The following GALNT13 variants were observed in gnomAD, a reference collection of about 807,000 sequenced individuals.
The protein encoded by GALNT13 is UDP-GalNAc:polypeptide N-acetylgalactosaminyltransferase 13.
GALNT13 carries 28 observed loss-of-function variants against 64.2 expected under a neutral mutation model. The ratio of observed to expected loss-of-function variants is 0.44; its 90% CI spans 0.32 to 0.60. The LOEUF (loss-of-function observed/expected upper bound fraction) is 0.60. Among genes scored for constraint, GALNT13 ranks in the 20% least tolerant of loss-of-function variants. GALNT13 has a pLI of 0.05. For synonymous variants in GALNT13, 214 were observed against 224.6 expected (o/e 0.95, Z 0.42); for missense variants, 577 against 669.8 (o/e 0.86, Z 1.53).
At chr2:154,158,988 A>G (rs1435488749) in intron 4 of GALNT13, among the ~76,000 whole-genome samples, 1 of 152,036 alleles carries the variant, frequency 6.6e-6, no homozygotes, top group African/African-American at 2.4e-5. Flanking sequence ...GCTTTGTACT[A>G]CTGACTACCT....
chr2:153,321,217 CACAAA>C, the GALNT13 span, among the ~76,000 whole-genome samples: 2 of 152,178 alleles, frequency 1.3e-5, no homozygotes, highest in African/African-American at 4.8e-5. Flanking sequence ...CAAATGTCAT[CACAAA>C]TGAACAATGT....
At chr2:154,019,222 T>G (rs1697245263) in intron 3 of GALNT13, among the ~76,000 whole-genome samples, 1 of 152,188 alleles carries the variant, frequency 6.6e-6, no homozygotes, top group African/African-American at 2.4e-5. Flanking sequence ...ATAAATTAAA[T>G]CAAAGCTTAC....
the GALNT13 span, among the ~76,000 whole-genome samples, chr2:153,121,487 G>A: frequency 6.6e-6 from 1 of 151,970 alleles, no homozygotes; most frequent in Admixed American, 6.6e-5. Flanking sequence ...TTAATGAGCT[G>A]GTACAGATGT....
At chr2:154,123,504 T>C (rs1682076041) in intron 3 of GALNT13, among the ~76,000 whole-genome samples, 1 of 151,918 alleles carries the variant, frequency 6.6e-6, no homozygotes, top group African/African-American at 2.4e-5. Context: ...TATTAGACCC[T>C]TTTAAAAAGG....
chr2:153,495,569 C>G, the GALNT13 span, among the ~76,000 whole-genome samples: 4 of 152,020 alleles, frequency 2.6e-5, no homozygotes, highest in Non-Finnish European at 5.9e-5. Context: ...ACAAAACAAG[C>G]AAACAAAAAC....
intron 4 of GALNT13, among the ~76,000 whole-genome samples, chr2:154,164,416 T>C (rs916048637): frequency 2.6e-5 from 4 of 152,162 alleles, no homozygotes; most frequent in African/African-American, 7.2e-5. Context: ...ATTCTTCAAA[T>C]ATTTATAAGA....
Position 154,395,236 on chromosome 2 carries a change from G to A in GALNT13, c.1157-755G>A, listed in dbSNP as rs542333262. Among the ~76,000 whole-genome samples, 119 of 152,106 alleles carry A rather than the reference G, an allele frequency of 7.8e-4. 1 individual carries two copies. Among genetic ancestry groups the A allele is most frequent in the African/African-American group, 2.6e-3 (108 of 41,500 alleles). ...TTAATATTGAGCAAACCAAGTTGTC[G>A]TAAAATTTTTTATAAAAATTAGTAG... On this transcript the variant is annotated intron_variant, in intron 9 of 12. Coordinates refer to ENST00000392825, the MANE Select transcript of GALNT13 (RefSeq NM_052917.4).
the GALNT13 span, among the ~76,000 whole-genome samples, chr2:153,657,084 A>T: frequency 6.6e-6 from 1 of 152,180 alleles, no homozygotes; most frequent in African/African-American, 2.4e-5. Context: ...AGCAGTGAGC[A>T]TCAGATCTCT....
chr2:154,304,855 A>C (rs1417647510), intron 9 of GALNT13, among the ~76,000 whole-genome samples: 4 of 152,212 alleles, frequency 2.6e-5, no homozygotes, highest in Admixed American at 2.6e-4. Flanking sequence ...AATGTGTTGA[A>C]GATATCTAAG....
At chr2:153,561,531 G>A in the GALNT13 span, among the ~76,000 whole-genome samples, 1 of 151,944 alleles carries the variant, frequency 6.6e-6, no homozygotes, top group Non-Finnish European at 1.5e-5. Context: ...CATCACATGA[G>A]GTCAGGTGTG....
At chr2:153,279,111 T>A in the GALNT13 span, among the ~76,000 whole-genome samples, 3 of 152,188 alleles carry the variant, frequency 2.0e-5, no homozygotes, top group African/African-American at 4.8e-5. Flanking sequence ...TTTTTGTGTG[T>A]GTGTGGCTAT....
At chr2:153,780,240 T>TATGCATATATATATATATATATTC in the GALNT13 span, among the ~76,000 whole-genome samples, 1 of 19,458 alleles carries the variant, frequency 5.1e-5, no homozygotes, top group Admixed American at 1.0e-3. Flanking sequence ...TATATATATA[T>TATGCATATATATATATATATATTC]ATATATATAT....
the GALNT13 span, among the ~76,000 whole-genome samples, chr2:153,529,873 T>C: frequency 6.6e-6 from 1 of 151,948 alleles, no homozygotes; most frequent in Non-Finnish European, 1.5e-5. Context: ...ATAAAACCCT[T>C]CAAACTAGGT....
chr2:153,445,454 T>C, the GALNT13 span, among the ~76,000 whole-genome samples: 5 of 152,194 alleles, frequency 3.3e-5, no homozygotes, highest in African/African-American at 1.2e-4. Context: ...CATGGTTCAA[T>C]GCAGCCTTGA....
chr2:153,331,790 A>G, the GALNT13 span, among the ~76,000 whole-genome samples: 2 of 152,180 alleles, frequency 1.3e-5, no homozygotes, highest in Admixed American at 1.3e-4. Context: ...CTTCAATCTA[A>G]TCAAATTGAC....
chr2:153,686,340 T>A, the GALNT13 span, among the ~76,000 whole-genome samples: 1 of 152,050 alleles, frequency 6.6e-6, no homozygotes. Flanking sequence ...GGTTTGTAGT[T>A]CTCCTTGAAG....
chr2:154,370,266 T>A (rs901765287), intron 9 of GALNT13, among the ~76,000 whole-genome samples: 2 of 152,152 alleles, frequency 1.3e-5, no homozygotes, highest in East Asian at 3.9e-4. Context: ...CTAAGGGGTT[T>A]GATTTTATCC....
intron 8 of GALNT13, among the ~76,000 whole-genome samples, chr2:154,266,514 A>T (rs900414869): frequency 3.3e-5 from 5 of 152,132 alleles, no homozygotes; most frequent in African/African-American, 1.2e-4. Flanking sequence ...TATCTAAAAT[A>T]ATGTAAAAAA....
At chr2:154,419,731 A>G (rs918695729) in intron 11 of GALNT13, among the ~76,000 whole-genome samples, 1 of 152,180 alleles carries the variant, frequency 6.6e-6, no homozygotes, top group Non-Finnish European at 1.5e-5. Flanking sequence ...TCATAAGGAT[A>G]TCTACTGTGA....
Sources: gnomAD v4.1 joint callset for allele counts (sites outside exome capture counted in the v4.1 genomes callset) on GRCh38, gnomAD v4.1.1 for gene constraint, MANE v1.5 for transcripts, NCBI Gene and HGNC (gene_info 2026-07-23, HGNC 2026-07-21) for gene names.